PTPRN2: variants seen among roughly 807,000 people sequenced by gnomAD.
PTPRN2 encodes receptor-type tyrosine-protein phosphatase N2.
A neutral mutation model predicts 118.8 loss-of-function variants in PTPRN2; 74 were observed. The ratio of observed to expected loss-of-function variants is 0.62; its 90% CI spans 0.52 to 0.76. PTPRN2 has a LOEUF of 0.76. PTPRN2 is among the 30% of genes least tolerant of loss of function. The probability of loss-of-function intolerance (pLI) is 0.00; values close to 1 mark genes in which losing one functional copy is unlikely to be tolerated. For synonymous variants in PTPRN2, 641 were observed against 608.0 expected, an observed-to-expected ratio of 1.05 and a Z score of -0.80; for missense variants, 1,481 against 1,394.4, an observed-to-expected ratio of 1.06 and a Z score of -0.99.
intron 13 of PTPRN2, among the ~76,000 whole-genome samples, chr7:157,665,262 T>A (rs1263569): frequency 0.38 from 58,516 of 152,330 alleles, 12,323 homozygotes; most frequent in Non-Finnish European, 0.49. Context: ...GATCCGCGAC[T>A]ATGCACCTTC....
intron 17 of PTPRN2, among the ~76,000 whole-genome samples, chr7:157,586,896 G>A (rs1800706469): frequency 6.6e-6 from 1 of 152,226 alleles, no homozygotes; most frequent in Admixed American, 6.5e-5. Flanking sequence ...GGATTTAAAT[G>A]TTTTTAAAAA....
chr7:157,766,644 G>A (rs1226002473), intron 12 of PTPRN2, among the ~76,000 whole-genome samples: 4 of 152,216 alleles, frequency 2.6e-5, no homozygotes, highest in Non-Finnish European at 5.9e-5. Context: ...CTGTGCTGCG[G>A]GTCCTATTCT....
chr7:158,387,049 A>G (rs1414052284), intron 2 of PTPRN2, among the ~76,000 whole-genome samples: 1 of 151,866 alleles, frequency 6.6e-6, no homozygotes, highest in Non-Finnish European at 1.5e-5. Flanking sequence ...TCTTTTGATG[A>G]CGCGTCTCTG....
At chr7:158,417,401 C>T (rs951142103) in intron 2 of PTPRN2, among the ~76,000 whole-genome samples, 16 of 151,164 alleles carry the variant, frequency 1.1e-4, no homozygotes, top group African/African-American at 2.5e-4. Flanking sequence ...TTCAGTGTCC[C>T]GCTGTGTTAA....
intron 2 of PTPRN2, among the ~76,000 whole-genome samples, chr7:158,417,536 G>A (rs900075280): frequency 1.3e-5 from 2 of 150,792 alleles, no homozygotes; most frequent in Admixed American, 1.3e-4. Flanking sequence ...ACTACATCGA[G>A]ATGCTGCTGT....
chr7:158,089,831 T>G lies in PTPRN2; in HGVS notation c.1644-8454A>C, dbSNP rs1230543770. Among the ~76,000 whole-genome samples, 96 of 124,496 alleles carry G rather than the reference T, an allele frequency of 7.7e-4. 4 individuals are homozygous for G. Among genetic ancestry groups the G allele is most frequent in the African/African-American group, 2.6e-3 (90 of 34,220 alleles). 81.7% of individuals were successfully genotyped at this position (124,496 alleles called of 152,430 possible). ...AAAGAGGGAGTCTTCACACACATCC[T>G]TCCTCCCCTGATGAAAGAGGGAGTC... On this transcript the variant is annotated intron_variant, in intron 10 of 22. Coordinates refer to ENST00000389418, the MANE Select transcript of PTPRN2 (RefSeq NM_002847.5).
At chr7:158,325,415 G>A (rs984578705) in intron 2 of PTPRN2, among the ~76,000 whole-genome samples, 2 of 152,150 alleles carry the variant, frequency 1.3e-5, no homozygotes, top group South Asian at 2.1e-4. Context: ...AACAGGACTT[G>A]GGAATTAATG....
chr7:157,893,305 T>C lies in PTPRN2; in HGVS notation c.1788+5368A>G, dbSNP rs191319300. Reference sequence around the variant, plus strand: ...GCTCAGGGGCCAGAGAGGACACAGGTTGGATGTGGATGGAAGCAGAGGTGT... The same window carrying C: ...GCTCAGGGGCCAGAGAGGACACAGGCTGGATGTGGATGGAAGCAGAGGTGT... On this transcript the variant is annotated intron_variant, in intron 12 of 22. Transcript: ENST00000389418. The surrounding 1 kb of genome is among the most constrained non-coding windows in gnomAD (Gnocchi z 4.0). Among the ~76,000 whole-genome samples the C allele has an allele frequency of 1.8e-3, 275 of 152,066 alleles. No homozygotes were observed. Among genetic ancestry groups the C allele is most frequent in the African/African-American group, 6.3e-3 (263 of 41,466 alleles).
intron 14 of PTPRN2, among the ~76,000 whole-genome samples, chr7:157,650,171 G>A (rs1243442253): frequency 1.3e-5 from 2 of 152,156 alleles, no homozygotes; most frequent in African/African-American, 2.4e-5. Context: ...CTTCCCTGCT[G>A]GTTTAATGCC....
At position 158,380,048 on chromosome 7, in the gene PTPRN2, G is replaced by A. The variant is rs117859065; in HGVS notation, c.164-63116C>T. On this transcript the variant is annotated intron_variant, in intron 2 of 22. Transcript: ENST00000389418. ...CCCTATGATTCGATTACCTTCCAACGGGTCCCTCCCACAACATATGGGAAT... is the reference window on the plus strand; with the variant it reads ...CCCTATGATTCGATTACCTTCCAACAGGTCCCTCCCACAACATATGGGAAT... Among the ~76,000 whole-genome samples the A allele has an allele frequency of 3.8e-3, 578 of 152,186 alleles. 5 individuals are homozygous for A. The highest frequency in any genetic ancestry group is 0.01 in the Middle Eastern group (3 of 292).
chr7:157,584,250 T>A (rs909892691), intron 17 of PTPRN2, among the ~76,000 whole-genome samples: 2 of 152,236 alleles, frequency 1.3e-5, no homozygotes, highest in Non-Finnish European at 2.9e-5. Context: ...TCTTTTGTGA[T>A]GAGTCCCTTC....
At chr7:158,431,363 ACCAGG>A (rs1816162161) in intron 2 of PTPRN2, among the ~76,000 whole-genome samples, 1 of 147,382 alleles carries the variant, frequency 6.8e-6, no homozygotes, top group African/African-American at 2.5e-5. Context: ...CTGGGCTTAG[ACCAGG>A]CACACACCAG....
chr7:158,097,019 G>GA (rs1026257521), intron 10 of PTPRN2, among the ~76,000 whole-genome samples: 1 of 152,160 alleles, frequency 6.6e-6, no homozygotes, highest in Admixed American at 6.5e-5. Context: ...AGGCCACAGG[G>GA]AAAACCAGAG....
intron 2 of PTPRN2, among the ~76,000 whole-genome samples, chr7:158,333,776 T>C (rs1804990811): frequency 6.9e-6 from 1 of 145,034 alleles, no homozygotes; most frequent in Non-Finnish European, 1.5e-5. Flanking sequence ...CAGACATCAC[T>C]CACACACACA....
chr7:158,012,644 G>A (rs561401665), intron 11 of PTPRN2, among the ~76,000 whole-genome samples: 5 of 152,134 alleles, frequency 3.3e-5, no homozygotes, highest in Non-Finnish European at 5.9e-5. Context: ...CAGGCAGGTC[G>A]GGGCTAATAT....
At position 158,345,282 on chromosome 7, in the gene PTPRN2, C is replaced by T. The variant is rs372005167; in HGVS notation, c.164-28350G>A. The stretch of plus-strand genomic sequence containing the variant: ...ACCTAACTGCCTGTCTCCTGGCCAA[C>T]GGGAAGACAGGTTTTTTGTCTTACT... On this transcript the variant is annotated intron_variant, in intron 2 of 22. Coordinates refer to ENST00000389418, the MANE Select transcript of PTPRN2 (RefSeq NM_002847.5). Among the ~76,000 whole-genome samples the T allele has an allele frequency of 1.5e-4, 23 of 152,270 alleles. 1 individual carries two copies. In the South Asian group the frequency reaches 4.1e-3, roughly 27 times the overall value.
At chr7:158,422,831 A>T (rs1362679874) in intron 2 of PTPRN2, among the ~76,000 whole-genome samples, 2 of 152,238 alleles carry the variant, frequency 1.3e-5, no homozygotes, top group African/African-American at 4.8e-5. Flanking sequence ...TGGTCTCAAT[A>T]ATCTTCCCGA....
chr7:157,564,827 A>G (rs896771660), intron 21 of PTPRN2, among the ~76,000 whole-genome samples: 2 of 152,264 alleles, frequency 1.3e-5, no homozygotes, highest in Non-Finnish European at 2.9e-5. Flanking sequence ...GGACATATCC[A>G]GGGATGTGGG....
At chr7:157,686,771 A>C (rs1386900390) in intron 12 of PTPRN2, among the ~76,000 whole-genome samples, 1 of 152,172 alleles carries the variant, frequency 6.6e-6, no homozygotes, top group Non-Finnish European at 1.5e-5. Flanking sequence ...AGAAGTGAGG[A>C]GGAGGAGGAG....
Sources: gnomAD v4.1 joint callset for allele counts (sites outside exome capture counted in the v4.1 genomes callset) on GRCh38, gnomAD v4.1.1 for gene constraint, Gnocchi (gnomAD v3.1) non-coding constraint, MANE v1.5 for transcripts, NCBI Gene and HGNC (gene_info 2026-07-23, HGNC 2026-07-21) for gene names.